MYO5A: variants seen among roughly 807,000 people sequenced by gnomAD.
MYO5A encodes the protein unconventional myosin-Va.
A neutral mutation model predicts 249.7 loss-of-function variants in MYO5A; 98 were observed. That is an observed-to-expected ratio of 0.39 (90% CI 0.33 to 0.46). The LOEUF (loss-of-function observed/expected upper bound fraction) is 0.46. Ranked by LOEUF, MYO5A falls within the 20% of genes least tolerant of loss-of-function variation. MYO5A has a pLI of 0.98. For synonymous variants in MYO5A, 778 were observed against 810.6 expected (o/e 0.96, Z 0.68); for missense variants, 1,696 against 2,308.8 (o/e 0.73, Z 5.44).
intron 1 of MYO5A, among the ~76,000 whole-genome samples, chr15:52,492,573 G>A (rs2076955807): frequency 6.6e-6 from 1 of 152,198 alleles, no homozygotes; most frequent in African/African-American, 2.4e-5. Flanking sequence ...CTTAGGTACA[G>A]TACACTACTA....
chr15:52,481,319 T>C (rs886933298), intron 1 of MYO5A, among the ~76,000 whole-genome samples: 9 of 152,238 alleles, frequency 5.9e-5, no homozygotes, highest in African/African-American at 2.2e-4. Flanking sequence ...AGAGATTCTA[T>C]AAGATTTTCT....
intron 1 of MYO5A, among the ~76,000 whole-genome samples, chr15:52,503,098 A>G (rs1428143420): frequency 6.6e-6 from 1 of 152,190 alleles, no homozygotes; most frequent in Non-Finnish European, 1.5e-5. Context: ...TTGATAGAAG[A>G]AATAAGATCT....
At chr15:52,328,834 G>A (rs2038736146) in intron 35 of MYO5A, among the ~76,000 whole-genome samples, 1 of 152,122 alleles carries the variant, frequency 6.6e-6, no homozygotes, top group African/African-American at 2.4e-5. Flanking sequence ...GGTTAAACAT[G>A]CCAGGTATGC....
chr15:52,398,471 T>C (rs946933340), intron 9 of MYO5A, among the ~76,000 whole-genome samples: 4 of 152,144 alleles, frequency 2.6e-5, no homozygotes, highest in African/African-American at 9.7e-5. Context: ...AGAGAACAAA[T>C]AGCTTGTCAA....
intron 1 of MYO5A, among the ~76,000 whole-genome samples, chr15:52,475,996 A>T (rs556155405): frequency 1.3e-5 from 2 of 152,254 alleles, no homozygotes; most frequent in South Asian, 4.2e-4. Flanking sequence ...GGGGTGTTAA[A>T]GTCTCTCAGT....
Position 52,357,024 on chromosome 15 carries a change from G to C in MYO5A, c.3423+2944C>G, listed in dbSNP as rs78874602. Among the ~76,000 whole-genome samples, 68 of 151,876 alleles carry C rather than the reference G, an allele frequency of 4.5e-4. 4 individuals are homozygous for C. In the East Asian group the frequency reaches 0.013, roughly 28 times the overall value. ...CCTACTTTGTAATACTTAACAATTA[G>C]AAAAAGTTTTAGGTATATAATCTTT... is the stretch of plus-strand genomic sequence containing the variant. On this transcript the variant is annotated intron_variant, in intron 25 of 41. Transcript: ENST00000399233.
chr15:52,472,865 G>A (rs2076506168), intron 1 of MYO5A, among the ~76,000 whole-genome samples: 1 of 152,200 alleles, frequency 6.6e-6, no homozygotes, highest in Non-Finnish European at 1.5e-5. Flanking sequence ...GTGTACATGT[G>A]TCTTTATAGC....
chr15:52,503,022 G>A (rs1595805404), intron 1 of MYO5A, among the ~76,000 whole-genome samples: 1 of 152,170 alleles, frequency 6.6e-6, no homozygotes, highest in African/African-American at 2.4e-5. Flanking sequence ...CCAGAGGCCA[G>A]GCAAGGTAGC....
chr15:52,527,530 T>C (rs1051995578), intron 1 of MYO5A, among the ~76,000 whole-genome samples: 2 of 152,214 alleles, frequency 1.3e-5, no homozygotes, highest in African/African-American at 4.8e-5. Context: ...TATCTCATAT[T>C]TGCAGAGAAA....
intron 35 of MYO5A, among the ~76,000 whole-genome samples, chr15:52,329,650 T>C (rs1424643758): frequency 6.6e-6 from 1 of 152,222 alleles, no homozygotes; most frequent in Non-Finnish European, 1.5e-5. Flanking sequence ...CAAACCTTTC[T>C]AGGGGAGTAA....
At chr15:52,375,536 A>T in intron 19 of MYO5A, 76 bp from the exon 20 acceptor site, 1 of 1,510,556 alleles carries the variant, frequency 6.6e-7, no homozygotes, top group Non-Finnish European at 9.1e-7. Context: ...AAACTTAAAG[A>T]GTGTCACTGT....
At chr15:52,334,370 A>G (rs1363843386) in intron 34 of MYO5A, among the ~76,000 whole-genome samples, 4 of 152,212 alleles carry the variant, frequency 2.6e-5, no homozygotes, top group Non-Finnish European at 4.4e-5. Context: ...TCTGATTATC[A>G]TCTCATGATA....
At chr15:52,321,035 G>A (rs73408408) in intron 38 of MYO5A, among the ~76,000 whole-genome samples, 12,949 of 151,332 alleles carry the variant, frequency 0.086, 1,722 homozygotes, top group African/African-American at 0.29. Flanking sequence ...AAGGGAGCCT[G>A]CTGATAATTT....
chr15:52,334,721 T>C (rs200571731), intron 34 of MYO5A, among the ~76,000 whole-genome samples: 2 of 152,312 alleles, frequency 1.3e-5, no homozygotes, highest in East Asian at 3.8e-4. Context: ...TGCTAGGTGC[T>C]GTGAAAGCAA....
chr15:52,392,462 G>GA (rs1246376314), intron 11 of MYO5A, among the ~76,000 whole-genome samples: 6 of 152,336 alleles, frequency 3.9e-5, no homozygotes, highest in African/African-American at 1.4e-4. Context: ...CCAGGCTACT[G>GA]AATCATGCTG....
chr15:52,424,973 A>C (rs1213437414), intron 4 of MYO5A, among the ~76,000 whole-genome samples: 1 of 152,202 alleles, frequency 6.6e-6, no homozygotes, highest in Non-Finnish European at 1.5e-5. Flanking sequence ...TCACACTTTC[A>C]GTTGGGCATG....
At chr15:52,485,310 T>C (rs2076797412) in intron 1 of MYO5A, among the ~76,000 whole-genome samples, 2 of 147,736 alleles carry the variant, frequency 1.4e-5, no homozygotes, top group South Asian at 4.3e-4. Context: ...TCACTTCTAA[T>C]GACAAAAAAT....
intron 36 of MYO5A, among the ~76,000 whole-genome samples, chr15:52,326,680 C>A (rs975903551): frequency 1.3e-5 from 2 of 152,162 alleles, no homozygotes; most frequent in African/African-American, 4.8e-5. Flanking sequence ...CGTAACTGTA[C>A]ACTTAAAAAT....
At position 52,367,032 on chromosome 15, in the gene MYO5A, T is replaced by G; in HGVS notation, c.3159A>C (p.Thr1053=). The G allele has an allele frequency of 6.2e-7, 1 of 1,613,542 alleles. No individual in the cohort carries two copies. Among genetic ancestry groups the G allele is most frequent in the Non-Finnish European group, 8.5e-7 (1 of 1,179,506 alleles). ...HRIVQQAKEM[T]ETMEKKLVEE... is the part of the protein sequence containing the mutation. ...GTGTAGTACGCATATAAGCTTTACC[T>G]GTCATCTCCTTAGCCTGCTGCACGA... Residue 1053 remains threonine, a splice_region_variant and synonymous_variant, in exon 23 of 42, where the codon ACA becomes ACC. Coordinates refer to ENST00000399233, the MANE Select transcript of MYO5A (RefSeq NM_001382347.1).
Sources: gnomAD v4.1 joint callset for allele counts (sites outside exome capture counted in the v4.1 genomes callset) on GRCh38, gnomAD v4.1.1 for gene constraint, MANE v1.5 for transcripts, NCBI Gene and HGNC (gene_info 2026-07-23, HGNC 2026-07-21) for gene names.